Variants in ARHGAP6 observed in about 807,000 individuals in gnomAD.
ARHGAP6 encodes the protein Rho GTPase activating protein 6.
Under a neutral mutation model 55.7 loss-of-function variants are expected in ARHGAP6, and 16 were observed. That is an observed-to-expected ratio of 0.29 (90% CI 0.19 to 0.44). ARHGAP6 has a LOEUF of 0.44. Among genes scored for constraint, ARHGAP6 ranks in the 20% least tolerant of loss-of-function variants. The pLI, the probability that ARHGAP6 is intolerant of heterozygous loss-of-function variation, is 1.00. For missense variants in ARHGAP6, 698 were observed against 808.9 expected, an observed-to-expected ratio of 0.86 and a Z score of 1.66; for synonymous variants, 382 against 360.9, an observed-to-expected ratio of 1.06 and a Z score of -0.66.
intron 1 of ARHGAP6, among the ~76,000 whole-genome samples, chrX:11,324,101 A>G (rs981061240): frequency 1.8e-5 from 2 of 111,755 alleles, no homozygotes; most frequent in Middle Eastern, 4.2e-3. Context: ...TTTACGCCCT[A>G]AAGTTACCAA....
rs190239599 is a variant in ARHGAP6, at chrX:11,211,434, A to G, written c.749-14438T>C. 2.3e-3 allele frequency among the ~76,000 whole-genome samples: 248 copies of G among 109,684 alleles called. 2 individuals are homozygous for G. Among genetic ancestry groups the G allele is most frequent in the South Asian group, 0.021 (54 of 2,580 alleles). On this transcript the variant is annotated intron_variant, in intron 2 of 12. Transcript: ENST00000337414. ...TTTAGTAGAGACGGGGTTTCACCGT[A>G]TTAGCCAGGATGTTCTCAATCTCCT... is the stretch of plus-strand genomic sequence containing the variant.
chrX:11,329,258 T>C (rs1352104111), intron 1 of ARHGAP6, among the ~76,000 whole-genome samples: 2 of 111,751 alleles, frequency 1.8e-5, no homozygotes, highest in Non-Finnish European at 3.8e-5. Flanking sequence ...TGTAAGATGG[T>C]AAAGATTTTA....
intron 3 of ARHGAP6, among the ~76,000 whole-genome samples, chrX:11,193,550 T>C (rs1037435458): frequency 1.8e-5 from 2 of 112,758 alleles, no homozygotes; most frequent in African/African-American, 6.4e-5. Context: ...GTTAGTTTGT[T>C]TTTAAACATT....
intron 2 of ARHGAP6, among the ~76,000 whole-genome samples, chrX:11,213,619 A>G (rs1347579861): frequency 2.7e-5 from 3 of 112,885 alleles, no homozygotes; most frequent in African/African-American, 9.6e-5. Context: ...GAATGGAACT[A>G]TAGACCATTA....
chrX:11,441,946 C>T (rs1271418152), intron 1 of ARHGAP6, among the ~76,000 whole-genome samples: 2 of 108,005 alleles, frequency 1.9e-5, no homozygotes, highest in Non-Finnish European at 3.8e-5. Flanking sequence ...AATATATATA[C>T]ACACATATAC....
At chrX:11,515,059 T>C (rs1045799140) in intron 1 of ARHGAP6, among the ~76,000 whole-genome samples, 2 of 111,504 alleles carry the variant, frequency 1.8e-5, no homozygotes, top group Non-Finnish European at 3.8e-5. Context: ...AGCACAACGT[T>C]GAAAAAGCGA....
chrX:11,661,900 G>T (rs2052707063), intron 1 of ARHGAP6, among the ~76,000 whole-genome samples: 1 of 112,003 alleles, frequency 8.9e-6, no homozygotes, highest in African/African-American at 3.3e-5. Context: ...ACACTGGTCT[G>T]GAGGAGTGCT....
intron 2 of ARHGAP6, chrX:11,224,462 G>A: frequency 3.3e-6 from 1 of 306,082 alleles, no homozygotes; most frequent in Non-Finnish European, 4.6e-6. Context: ...GCCCATTAGT[G>A]GACTCATGGA....
intron 1 of ARHGAP6, among the ~76,000 whole-genome samples, chrX:11,609,278 G>C (rs758286419): frequency 7.2e-5 from 8 of 111,685 alleles, no homozygotes; most frequent in Admixed American, 9.5e-5. Flanking sequence ...TGAAATGTGA[G>C]AAGAAGAAAA....
chrX:11,381,022 C>T (rs944501985), intron 1 of ARHGAP6, among the ~76,000 whole-genome samples: 8 of 112,725 alleles, frequency 7.1e-5, no homozygotes, highest in South Asian at 7.4e-4. Flanking sequence ...GCTAAAGCTT[C>T]GGTATGAGTA....
chrX:11,179,212 A>G, intron 7 of ARHGAP6, 90 bp downstream of exon 7: 1 of 912,695 alleles, frequency 1.1e-6, no homozygotes, highest in Non-Finnish European at 1.5e-6. Context: ...ACAAAAAGTT[A>G]TCAGGAAACA....
intron 5 of ARHGAP6, among the ~76,000 whole-genome samples, chrX:11,183,681 C>A (rs979651297): frequency 3.6e-5 from 4 of 111,340 alleles, no homozygotes; most frequent in African/African-American, 6.5e-5. Flanking sequence ...CAGTGATTTC[C>A]TACTGTAGAT....
At chrX:11,635,403 A>T (rs759390410) in intron 1 of ARHGAP6, among the ~76,000 whole-genome samples, 58 of 111,963 alleles carry the variant, frequency 5.2e-4, no homozygotes, top group African/African-American at 1.8e-3. Flanking sequence ...AGATTTTTTT[A>T]AAATGAGCAT....
At chrX:11,298,046 A>G in intron 1 of ARHGAP6, 2 of 1,090,947 alleles carry the variant, frequency 1.8e-6, no homozygotes, top group Non-Finnish European at 2.5e-6. Context: ...ATGTAAACAC[A>G]GTGCCTGTCA....
chrX:11,237,418 A>C (rs1183990369), intron 2 of ARHGAP6, among the ~76,000 whole-genome samples: 4 of 111,875 alleles, frequency 3.6e-5, no homozygotes, highest in African/African-American at 1.3e-4. Context: ...GTTCACATAC[A>C]TATCTAGAGT....
At chrX:11,460,720 T>C (rs1032667550) in intron 1 of ARHGAP6, among the ~76,000 whole-genome samples, 1 of 111,990 alleles carries the variant, frequency 8.9e-6, no homozygotes, top group Non-Finnish European at 1.9e-5. Context: ...TCCTCCTGCA[T>C]TGTTTGTGCA....
At chrX:11,625,417 T>C (rs904063685) in intron 1 of ARHGAP6, among the ~76,000 whole-genome samples, 1 of 110,680 alleles carries the variant, frequency 9.0e-6, no homozygotes, top group Non-Finnish European at 1.9e-5. Flanking sequence ...CTGGAGGACA[T>C]TATGTTAGTG....
chrX:11,354,273 CTCTCTCTCTCTCTCTCTCTCTT>C (rs1381653293), intron 1 of ARHGAP6, among the ~76,000 whole-genome samples: 57 of 78,333 alleles, frequency 7.3e-4, no homozygotes, highest in African/African-American at 2.7e-3. Flanking sequence ...AGAGCTCTCT[CTCTCTCTCTCTCTCTCTCTCTT>C]TCTCTCTCTC....
At chrX:11,618,943 C>A (rs1159701371) in intron 1 of ARHGAP6, among the ~76,000 whole-genome samples, 3 of 111,109 alleles carry the variant, frequency 2.7e-5, no homozygotes, top group African/African-American at 9.8e-5. Flanking sequence ...TTAATGCAGA[C>A]AATCCCCATT....
Sources: allele counts gnomAD v4.1 joint callset (sites outside exome capture counted in the v4.1 genomes callset), GRCh38; gene constraint gnomAD v4.1.1; transcripts MANE v1.5; gene names NCBI Gene and HGNC (gene_info 2026-07-23, HGNC 2026-07-21).